The following B3GLCT variants were observed in gnomAD, a reference collection of about 807,000 sequenced individuals.
The protein encoded by B3GLCT is beta 3-glucosyltransferase.
A neutral mutation model predicts 63.4 loss-of-function variants in B3GLCT; 65 were observed. The ratio of observed to expected loss-of-function variants is 1.03; its 90% confidence interval spans 0.84 to 1.26. The LOEUF is 1.26. Ranked by LOEUF, B3GLCT falls within the 50% of genes most tolerant of loss-of-function variation. The probability of loss-of-function intolerance (pLI) is 0.00; values close to 1 mark genes in which losing one functional copy is unlikely to be tolerated. For synonymous variants in B3GLCT, 233 were observed against 219.2 expected, an observed-to-expected ratio of 1.06 and a Z score of -0.55; for missense variants, 577 against 604.8, an observed-to-expected ratio of 0.95 and a Z score of 0.48.
chr13:31,232,251 G>C (rs1870416380), intron 4 of B3GLCT, among the ~76,000 whole-genome samples: 1 of 152,190 alleles, frequency 6.6e-6, no homozygotes, highest in South Asian at 2.1e-4. Context: ...TCGCTATAAA[G>C]AAATATCTGA....
At position 31,330,230 on chromosome 13, in the gene B3GLCT, C is replaced by T. The variant is rs1220392489; in HGVS notation, c.*562C>T. ...ACTGTACATAAAACATCATGAAACC[C>T]TAGATATGAAATCCCCTGAAGTCTG... On this transcript the variant is annotated 3_prime_UTR_variant, in exon 15 of 15. Transcript: ENST00000343307. 5 of 153,034 alleles carry T rather than the reference C, an allele frequency of 3.3e-5. No homozygotes were observed. The highest frequency in any genetic ancestry group is 6.5e-5 in the Admixed American group (1 of 15,418). 9.5% of individuals were successfully genotyped at this position (153,034 alleles called of 1,614,324 possible).
At chr13:31,252,298 A>C (rs1362862806) in intron 6 of B3GLCT, among the ~76,000 whole-genome samples, 1 of 152,232 alleles carries the variant, frequency 6.6e-6, no homozygotes, top group Non-Finnish European at 1.5e-5. Context: ...TGCTATGAAG[A>C]AACTGCATCA....
At chr13:31,220,557 A>T (rs1869763696) in intron 2 of B3GLCT, among the ~76,000 whole-genome samples, 1 of 152,254 alleles carries the variant, frequency 6.6e-6, no homozygotes, top group South Asian at 2.1e-4. Context: ...TCACAAGGGA[A>T]GCTGGAGACA....
intron 12 of B3GLCT, chr13:31,312,580 T>C (rs1285354529): frequency 4.6e-5 from 7 of 152,104 alleles, no homozygotes; most frequent in Admixed American, 1.3e-4. Context: ...AAACAAGATA[T>C]AGTAGAAAAG....
intron 13 of B3GLCT, among the ~76,000 whole-genome samples, chr13:31,319,702 T>A (rs1875238791): frequency 6.6e-6 from 1 of 152,184 alleles, no homozygotes; most frequent in Non-Finnish European, 1.5e-5. Flanking sequence ...ATGCTGAATG[T>A]ACCCAGAACT....
At chr13:31,208,663 G>A (rs1044255111) in intron 1 of B3GLCT, among the ~76,000 whole-genome samples, 3 of 133,834 alleles carry the variant, frequency 2.2e-5, no homozygotes, top group South Asian at 2.3e-4. Flanking sequence ...GGCCCTTAGC[G>A]CTCTTTGCTT....
At position 31,247,755 on chromosome 13, in the gene B3GLCT, A is replaced by T. The variant is rs530493041; in HGVS notation, c.348-100A>T. ...TATAGAGAAAAAAATTAGATATGCC[A>T]TTCTGTGTACCCTTCATTCACTTCC... On this transcript the variant is annotated intron_variant, in intron 5 of 14. Coordinates refer to ENST00000343307, the MANE Select transcript of B3GLCT (RefSeq NM_194318.4). The T allele has an allele frequency of 2.4e-5, 15 of 634,162 alleles. No individual in the cohort carries two copies. The East Asian group carries it at 4.3e-4, about 18-fold the overall frequency. The allele number at this position is 634,162 out of a possible 1,614,324, so 39.3% of individuals were successfully genotyped here.
chr13:31,288,204 C>T (rs1456983194), intron 12 of B3GLCT, among the ~76,000 whole-genome samples: 1 of 152,144 alleles, frequency 6.6e-6, no homozygotes, highest in Non-Finnish European at 1.5e-5. Flanking sequence ...ACACTTAGGA[C>T]AGTACCCACT....
At chr13:31,329,230 A>T (rs549995797) in intron 14 of B3GLCT, among the ~76,000 whole-genome samples, 27 of 152,336 alleles carry the variant, frequency 1.8e-4, no homozygotes, top group Admixed American at 9.2e-4. Flanking sequence ...TGTATTTATT[A>T]CTATTGTTTA....
intron 7 of B3GLCT, among the ~76,000 whole-genome samples, chr13:31,267,843 GTTTC>G (rs1490235976): frequency 8.7e-5 from 13 of 150,180 alleles, no homozygotes; most frequent in Admixed American, 6.6e-4. Context: ...TAAAATTTTT[GTTTC>G]TTTCTTTTTT....
Position 31,313,830 on chromosome 13 carries a change from C to T in B3GLCT, c.1065-3736C>T, listed in dbSNP as rs919662429. 3.9e-5 allele frequency among the ~76,000 whole-genome samples: 6 copies of T among 152,174 alleles called. No homozygotes were observed. The East Asian group carries it at 7.7e-4, about 20-fold the overall frequency. ...GCTCCTTCCCCTGCTCCCCTACCTC[C>T]GCATCACAGGCCCAGAGGCCCAGGA... On this transcript the variant is annotated intron_variant, in intron 12 of 14. Coordinates refer to ENST00000343307, the MANE Select transcript of B3GLCT (RefSeq NM_194318.4).
chr13:31,229,811 A>G (rs1178866288), intron 4 of B3GLCT, among the ~76,000 whole-genome samples: 1 of 147,926 alleles, frequency 6.8e-6, no homozygotes, highest in East Asian at 1.9e-4. Context: ...CATATTCTGA[A>G]TTTTTTTTTG....
In B3GLCT at chr13:31,317,551, C is replaced by T; in HGVS notation, c.1065-15C>T. On this transcript the variant is annotated splice_polypyrimidine_tract_variant and intron_variant, in intron 12 of 14. Coordinates refer to ENST00000343307, the MANE Select transcript of B3GLCT (RefSeq NM_194318.4). The stretch of plus-strand genomic sequence containing the variant: ...AATCAAATAATCATGATTTGTGTTC[C>T]CTTTGGCATCTCAGTATCTCCAGGC... 1.2e-6 allele frequency: 2 copies of T among 1,613,620 alleles called. No homozygotes were observed. Among genetic ancestry groups the T allele is most frequent in the African/African-American group, 2.7e-5 (2 of 74,958 alleles).
chr13:31,243,765 G>A lies in B3GLCT; in HGVS notation c.271-3258G>A, dbSNP rs139716495. Among the ~76,000 whole-genome samples the A allele has an allele frequency of 9.3e-4, 141 of 152,310 alleles. 3 individuals carry two copies. The East Asian group carries it at 0.011, about 12-fold the overall frequency. ...AACAAATATGTTCCAAGGAAGTACC[G>A]ACTGAAAGTTCAGTAGGCTTCCTGT... On this transcript the variant is annotated intron_variant, in intron 4 of 14. Transcript: ENST00000343307.
At chr13:31,261,466 G>A (rs1872028752) in intron 7 of B3GLCT, among the ~76,000 whole-genome samples, 1 of 152,146 alleles carries the variant, frequency 6.6e-6, no homozygotes. Flanking sequence ...AACTTGCTGG[G>A]GTTGAGAGTT....
chr13:31,235,300 G>A (rs532063042), intron 4 of B3GLCT, among the ~76,000 whole-genome samples: 13 of 152,218 alleles, frequency 8.5e-5, no homozygotes, highest in African/African-American at 1.7e-4. Context: ...TTTGTTTTAC[G>A]CTCAGGAGAA....
chr13:31,234,110 C>T (rs532564390), intron 4 of B3GLCT, among the ~76,000 whole-genome samples: 15 of 152,132 alleles, frequency 9.9e-5, no homozygotes, highest in East Asian at 3.9e-4. Context: ...CTCCGCCTCC[C>T]GGGTTCATGC....
At chr13:31,251,577 G>C (rs1274001523) in intron 6 of B3GLCT, among the ~76,000 whole-genome samples, 14 of 152,148 alleles carry the variant, frequency 9.2e-5, no homozygotes, top group African/African-American at 3.4e-4. Context: ...GCATACCCAA[G>C]TACCAATAGC....
intron 6 of B3GLCT, among the ~76,000 whole-genome samples, chr13:31,248,403 A>G (rs1871287691): frequency 6.6e-6 from 1 of 152,242 alleles, no homozygotes; most frequent in Admixed American, 6.5e-5. Flanking sequence ...GATTCTGAAC[A>G]TGTGGGTGGC....
Sources: allele counts gnomAD v4.1 joint callset (sites outside exome capture counted in the v4.1 genomes callset), GRCh38; gene constraint gnomAD v4.1.1; transcripts MANE v1.5; gene names NCBI Gene and HGNC (gene_info 2026-07-23, HGNC 2026-07-21).